The following PPP2R5A variants were observed in gnomAD, a reference collection of about 807,000 sequenced individuals.
PPP2R5A encodes the protein protein phosphatase 2 regulatory subunit B'alpha.
Under a neutral mutation model 64.2 loss-of-function variants are expected in PPP2R5A, and 25 were observed. That is an observed-to-expected ratio of 0.39 (90% CI 0.28 to 0.54). The LOEUF (loss-of-function observed/expected upper bound fraction) is 0.54. Among genes scored for constraint, PPP2R5A ranks in the 20% least tolerant of loss-of-function variants. PPP2R5A has a pLI of 0.67. For missense variants in PPP2R5A, 425 were observed against 576.3 expected (o/e 0.74, Z 2.69); for synonymous variants, 198 against 201.2 (o/e 0.98, Z 0.13).
At chr1:212,310,277 G>A (rs1412454802) in intron 1 of PPP2R5A, among the ~76,000 whole-genome samples, 1 of 150,088 alleles carries the variant, frequency 6.7e-6, no homozygotes, top group East Asian at 2.0e-4. Context: ...CATCAGGAGG[G>A]CTCCACACTG....
In PPP2R5A at chr1:212,358,682, T is replaced by G; in HGVS notation, c.1227-4T>G. On this transcript the variant is annotated splice_polypyrimidine_tract_variant and splice_region_variant and intron_variant, in intron 11 of 12. Transcript: ENST00000261461. The stretch of plus-strand genomic sequence containing the variant: ...AACTCAGGACTGGCTCATTTTCATT[T>G]CAGGACCATTGTAGCACTGGTATAC... 1.2e-6 allele frequency: 2 copies of G among 1,608,280 alleles called. No homozygotes were observed. Among genetic ancestry groups the G allele is most frequent in the Non-Finnish European group, 1.7e-6 (2 of 1,176,304 alleles).
At chr1:212,305,536 A>T (rs1365463793) in intron 1 of PPP2R5A, among the ~76,000 whole-genome samples, 1 of 151,970 alleles carries the variant, frequency 6.6e-6, no homozygotes, top group African/African-American at 2.4e-5. Context: ...TAAATTCTGT[A>T]GTGTTCCATA....
intron 1 of PPP2R5A, chr1:212,309,326 C>G (rs982779863): frequency 3.9e-6 from 6 of 1,519,284 alleles, no homozygotes; most frequent in Non-Finnish European, 5.4e-6. Context: ...CTCCTGGGGG[C>G]GCTCTTCCGA....
chr1:212,291,595 T>C (rs1658602914), intron 1 of PPP2R5A, among the ~76,000 whole-genome samples: 1 of 152,230 alleles, frequency 6.6e-6, no homozygotes, highest in South Asian at 2.1e-4. Flanking sequence ...GACTTCGTCC[T>C]TTTCTCTCTG....
chr1:212,346,033 A>T, intron 5 of PPP2R5A, 100 bp downstream of exon 5: 1 of 1,213,874 alleles, frequency 8.2e-7, no homozygotes, highest in African/African-American at 1.6e-5. Context: ...ACAGGGTCTC[A>T]CTCTGTCATC....
At position 212,308,989 on chromosome 1, in the gene PPP2R5A, C is replaced by G. The variant is rs1658972855; in HGVS notation, c.182-20146C>G. The stretch of plus-strand genomic sequence containing the variant: ...GTTTGATGTAACATTGTCATCATAC[C>G]TTTCTTCTTTTTTTATGGTGAAAAG... On this transcript the variant is annotated intron_variant, in intron 1 of 12. Coordinates refer to ENST00000261461, the MANE Select transcript of PPP2R5A (RefSeq NM_006243.4). The G allele has an allele frequency of 7.7e-6, 5 of 652,070 alleles. No individual in the cohort carries two copies. The South Asian group carries it at 8.9e-5, about 12-fold the overall frequency. The allele number at this position is 652,070 out of a possible 1,614,324, so 40.4% of individuals were successfully genotyped here.
intron 3 of PPP2R5A, among the ~76,000 whole-genome samples, chr1:212,338,951 T>C (rs949360756): frequency 1.3e-5 from 2 of 152,192 alleles, no homozygotes; most frequent in East Asian, 3.8e-4. Context: ...CAAAATCCCT[T>C]ACATCCTAGC....
chr1:212,353,885 G>A (rs766516063), intron 8 of PPP2R5A, among the ~76,000 whole-genome samples: 3 of 152,002 alleles, frequency 2.0e-5, no homozygotes, highest in Non-Finnish European at 2.9e-5. Context: ...ATGACATTTC[G>A]TTTAATAACA....
chr1:212,319,960 T>G (rs1469886191), intron 1 of PPP2R5A, among the ~76,000 whole-genome samples: 3 of 149,718 alleles, frequency 2.0e-5, no homozygotes, highest in East Asian at 3.9e-4. Context: ...TTTTTTTTTT[T>G]TTTTTTTTAT....
At chr1:212,296,775 A>G (rs1658698452) in intron 1 of PPP2R5A, among the ~76,000 whole-genome samples, 1 of 152,260 alleles carries the variant, frequency 6.6e-6, no homozygotes, top group Admixed American at 6.5e-5. Context: ...ATTGATTGAA[A>G]GAAAAACATC....
At chr1:212,294,011 G>T (rs562830028) in intron 1 of PPP2R5A, among the ~76,000 whole-genome samples, 14 of 152,224 alleles carry the variant, frequency 9.2e-5, no homozygotes, top group African/African-American at 2.9e-4. Context: ...CTTAGTTAAT[G>T]AATAAACCAT....
intron 1 of PPP2R5A, among the ~76,000 whole-genome samples, chr1:212,316,587 C>CTTTTTTTTT (rs751228809): frequency 0.018 from 659 of 36,658 alleles, 79 homozygotes; most frequent in Non-Finnish European, 0.026. Flanking sequence ...TTGTGGGTGA[C>CTTTTTTTTT]TTTTTTTTTT....
intron 1 of PPP2R5A, among the ~76,000 whole-genome samples, chr1:212,290,343 A>G (rs778466291): frequency 4.6e-5 from 7 of 152,216 alleles, no homozygotes; most frequent in Non-Finnish European, 8.8e-5. Context: ...CTCAACTTTT[A>G]AGGTTTATAG....
At chr1:212,344,548 T>G (rs1298070227) in intron 4 of PPP2R5A, among the ~76,000 whole-genome samples, 1 of 152,244 alleles carries the variant, frequency 6.6e-6, no homozygotes, top group Non-Finnish European at 1.5e-5. Context: ...CTATCTTTAT[T>G]GTAATTATAA....
chr1:212,340,244 C>T (rs1446465335), intron 3 of PPP2R5A, among the ~76,000 whole-genome samples: 1 of 152,176 alleles, frequency 6.6e-6, no homozygotes, highest in Non-Finnish European at 1.5e-5. Context: ...AGAATCAAAA[C>T]AAATGCAGGG....
chr1:212,323,089 A>C (rs572883520), intron 1 of PPP2R5A, among the ~76,000 whole-genome samples: 2 of 152,094 alleles, frequency 1.3e-5, no homozygotes, highest in Non-Finnish European at 2.9e-5. Flanking sequence ...CCCAGCCCTC[A>C]TTTCATTTTT....
At chr1:212,292,146 TCTATCATCTAACTTAATCTTGA>T (rs1285473765) in intron 1 of PPP2R5A, among the ~76,000 whole-genome samples, 5 of 152,248 alleles carry the variant, frequency 3.3e-5, no homozygotes, top group African/African-American at 1.2e-4. Flanking sequence ...TGTTTTCGTG[TCTATCATCTAACTTAATCTTGA>T]CCACAACTTT....
chr1:212,298,886 C>A (rs1414864807), intron 1 of PPP2R5A, among the ~76,000 whole-genome samples: 1 of 39,948 alleles, frequency 2.5e-5, no homozygotes, highest in Admixed American at 1.8e-4. Context: ...GGGCTGACCC[C>A]CCACCTCCCT....
At chr1:212,352,992 C>T in intron 8 of PPP2R5A, 1 of 514,804 alleles carries the variant, frequency 1.9e-6, no homozygotes, top group Non-Finnish European at 3.9e-6. Context: ...GCCTTAGTTG[C>T]TGTGAATCCA....
Sources: allele counts gnomAD v4.1 joint callset (sites outside exome capture counted in the v4.1 genomes callset), GRCh38; gene constraint gnomAD v4.1.1; transcripts MANE v1.5; gene names NCBI Gene and HGNC (gene_info 2026-07-23, HGNC 2026-07-21).